The following MTMR1 variants were observed in gnomAD, a reference collection of about 807,000 sequenced individuals.
MTMR1 encodes the protein myotubularin related protein 1, also known as phosphatidylinositol-3-phosphate phosphatase MTMR1.
MTMR1 carries 17 observed loss-of-function variants against 51.6 expected under a neutral mutation model. That is an observed-to-expected ratio of 0.33 (90% CI 0.23 to 0.49). MTMR1 has a LOEUF of 0.49. Among genes scored for constraint, MTMR1 ranks in the 20% least tolerant of loss-of-function variants. The pLI is 0.99. For missense variants in MTMR1, 386 were observed against 526.9 expected, an observed-to-expected ratio of 0.73 and a Z score of 2.62; for synonymous variants, 201 against 205.6, an observed-to-expected ratio of 0.98 and a Z score of 0.19.
intron 10 of MTMR1, among the ~76,000 whole-genome samples, chrX:150,733,346 G>T (rs2042172827): frequency 9.0e-6 from 1 of 111,315 alleles, no homozygotes; most frequent in Non-Finnish European, 1.9e-5. Flanking sequence ...GGTCCTCTTT[G>T]CTCTACACAG....
intron 13 of MTMR1, among the ~76,000 whole-genome samples, chrX:150,745,159 C>T (rs528324989): frequency 8.9e-6 from 1 of 112,239 alleles, no homozygotes; most frequent in Admixed American, 9.4e-5. Flanking sequence ...AGTTTGGTCT[C>T]CTATCCTTGT....
chrX:150,724,511 T>C (rs2041865722), intron 4 of MTMR1, among the ~76,000 whole-genome samples: 1 of 112,219 alleles, frequency 8.9e-6, no homozygotes, highest in Admixed American at 9.5e-5. Context: ...GATGCATAGT[T>C]TGCAAATATT....
chrX:150,705,601 G>C (rs1253725023), intron 2 of MTMR1, among the ~76,000 whole-genome samples: 1 of 112,047 alleles, frequency 8.9e-6, no homozygotes, highest in Non-Finnish European at 1.9e-5. Flanking sequence ...AATCAACCAT[G>C]TAAAAATATG....
chrX:150,756,867 T>A (rs1557417776), intron 15 of MTMR1, among the ~76,000 whole-genome samples: 1 of 111,175 alleles, frequency 9.0e-6, no homozygotes, highest in Non-Finnish European at 1.9e-5. Context: ...GCCTGGCTGG[T>A]CTCAAACTCC....
chrX:150,713,046 T>C, intron 3 of MTMR1: 1 of 638,488 alleles, frequency 1.6e-6, no homozygotes, highest in Admixed American at 6.8e-5. Context: ...ATTTTGATAG[T>C]ATAATAACTT....
intron 4 of MTMR1, among the ~76,000 whole-genome samples, chrX:150,720,262 C>T (rs2041702723): frequency 8.9e-6 from 1 of 111,904 alleles, no homozygotes; most frequent in African/African-American, 3.3e-5. Context: ...AGGTAACAAA[C>T]ATATCCATCA....
Position 150,693,400 on chromosome X carries a change from G to A in MTMR1, c.-131G>A. 1 of 732,761 alleles carries A rather than the reference G, an allele frequency of 1.4e-6. No homozygotes were observed. 60.4% of individuals were successfully genotyped at this position (732,761 alleles called of 1,213,427 possible). ...GGTAACGCGGGGCCGCCAGGTGACA[G>A]CTAATGGCGGCGGCCGCCTGAGGCG... On this transcript the variant is annotated 5_prime_UTR_variant, in exon 1 of 16. Transcript: ENST00000445323.
At chrX:150,695,201 G>C (rs1352244202) in intron 1 of MTMR1, among the ~76,000 whole-genome samples, 1 of 112,162 alleles carries the variant, frequency 8.9e-6, no homozygotes, top group Non-Finnish European at 1.9e-5. Flanking sequence ...CAGGGAGGGA[G>C]CTAGGGAGAG....
intron 1 of MTMR1, among the ~76,000 whole-genome samples, chrX:150,694,602 CA>C (rs1197589156): frequency 2.7e-5 from 3 of 112,341 alleles, no homozygotes; most frequent in Non-Finnish European, 5.6e-5. Flanking sequence ...AGCACAGAAA[CA>C]AGAAACATTC....
Position 150,762,962 on chromosome X carries a change from G to A in MTMR1, c.*233G>A. ...TGAAGCAACTTCTGGCATTCAGGCA[G>A]CTTGGGAGAAACTAAGTGAACGGAA... On this transcript the variant is annotated 3_prime_UTR_variant, in exon 16 of 16. Coordinates refer to ENST00000445323, the MANE Select transcript of MTMR1 (RefSeq NM_001306144.3). 1 of 341,134 alleles carries A rather than the reference G, an allele frequency of 2.9e-6. No individual in the cohort carries two copies. 28.1% of individuals were successfully genotyped at this position (341,134 alleles called of 1,213,427 possible).
At chrX:150,729,990 A>T in intron 6 of MTMR1, 119 bp from the exon 7 acceptor site, 1 of 385,868 alleles carries the variant, frequency 2.6e-6, no homozygotes, top group Non-Finnish European at 4.3e-6. Context: ...TTGGAGCAGG[A>T]TAAAGTATAA....
At chrX:150,738,931 T>C (rs2042352017) in intron 12 of MTMR1, among the ~76,000 whole-genome samples, 1 of 112,399 alleles carries the variant, frequency 8.9e-6, no homozygotes, top group East Asian at 2.8e-4. Flanking sequence ...CATTTGTGTT[T>C]TAGTCCAACT....
chrX:150,742,567 A>G (rs1449826609), intron 12 of MTMR1, among the ~76,000 whole-genome samples: 1 of 111,431 alleles, frequency 9.0e-6, no homozygotes, highest in Non-Finnish European at 1.9e-5. Flanking sequence ...CTGTAATCCC[A>G]GCACTTTGGG....
At chrX:150,755,622 C>T (rs985881993) in intron 14 of MTMR1, 67 bp from the exon 15 acceptor site, 4 of 844,768 alleles carry the variant, frequency 4.7e-6, no homozygotes, top group South Asian at 2.8e-5. Flanking sequence ...GTCCTTTTCT[C>T]GGTGTAATAC....
intron 2 of MTMR1, among the ~76,000 whole-genome samples, chrX:150,706,578 T>G (rs1410402349): frequency 8.9e-6 from 1 of 112,180 alleles, no homozygotes. Flanking sequence ...ACTCATAAGC[T>G]GAAAACTATC....
chrX:150,751,783 C>T (rs1360866814), intron 14 of MTMR1, among the ~76,000 whole-genome samples: 1 of 110,605 alleles, frequency 9.0e-6, no homozygotes, highest in African/African-American at 3.3e-5. Context: ...CACCACTGGC[C>T]ATCCAGATGC....
chrX:150,745,468 G>C (rs1356959190), intron 13 of MTMR1, among the ~76,000 whole-genome samples: 1 of 112,011 alleles, frequency 8.9e-6, no homozygotes, highest in Non-Finnish European at 1.9e-5. Context: ...ATCACCATCA[G>C]CCCAGGGCCT....
intron 12 of MTMR1, 131 bp downstream of exon 12, chrX:150,737,579 C>T: frequency 2.0e-6 from 1 of 498,334 alleles, no homozygotes. Flanking sequence ...TCATATCAGA[C>T]CTGAATTGCC....
rs1557417220 is a variant in MTMR1 at position 150,737,523 on chromosome X, C to T, written c.1473+75C>T. On this transcript the variant is annotated intron_variant, in intron 12 of 15. Coordinates refer to ENST00000445323, the MANE Select transcript of MTMR1 (RefSeq NM_001306144.3). ...GGATGTAAACGTCATGTGTGACACA[C>T]GTAAGCGCATATATACACACACACG... 6.9e-6 allele frequency: 6 copies of T among 874,584 alleles called. No individual in the cohort carries two copies. In the African/African-American group the frequency reaches 1.2e-4, roughly 17 times the overall value. 72.1% of individuals were successfully genotyped at this position (874,584 alleles called of 1,213,427 possible). A position where few individuals can be genotyped will look rare whatever the true frequency, so the allele number is the denominator to read the frequency against.
Sources: allele counts gnomAD v4.1 joint callset (sites outside exome capture counted in the v4.1 genomes callset), GRCh38; gene constraint gnomAD v4.1.1; transcripts MANE v1.5; gene names NCBI Gene and HGNC (gene_info 2026-07-23, HGNC 2026-07-21).